The following MAGI1 variants were observed in gnomAD, a reference collection of about 807,000 sequenced individuals.
The protein encoded by MAGI1 is membrane-associated guanylate kinase, WW and PDZ domain-containing protein 1.
In MAGI1, 58 loss-of-function variants were observed where a neutral mutation model predicts 139.9. That is an observed-to-expected ratio of 0.41 (90% CI 0.34 to 0.52). The LOEUF (loss-of-function observed/expected upper bound fraction) is 0.52, where lower values mean the gene tolerates loss of function less well. MAGI1 is among the 20% of genes least tolerant of loss of function. The pLI, the probability that MAGI1 is intolerant of heterozygous loss-of-function variation, is 0.12. For missense variants in MAGI1, 1,874 were observed against 1,901.6 expected, an observed-to-expected ratio of 0.99 and a Z score of 0.27; for synonymous variants, 812 against 737.9, an observed-to-expected ratio of 1.10 and a Z score of -1.63.
intron 2 of MAGI1, among the ~76,000 whole-genome samples, chr3:65,563,373 G>A (rs919033853): frequency 1.3e-5 from 2 of 152,166 alleles, no homozygotes; most frequent in African/African-American, 4.8e-5. Flanking sequence ...GCCCCCAGGT[G>A]TTCAAGCTCC....
chr3:65,420,583 G>A (rs966011770), intron 12 of MAGI1, among the ~76,000 whole-genome samples: 7 of 152,056 alleles, frequency 4.6e-5, no homozygotes, highest in African/African-American at 9.7e-5. Flanking sequence ...GTGCCTAGAC[G>A]ATGACAGGCA....
intron 2 of MAGI1, chr3:65,549,510 G>A (rs2079711215): frequency 2.0e-6 from 2 of 984,354 alleles, no homozygotes; most frequent in African/African-American, 1.7e-5. Flanking sequence ...TGAGCGGCCC[G>A]GCGGCAGCTG....
At chr3:66,018,315 G>T (rs76922995) in intron 1 of MAGI1, among the ~76,000 whole-genome samples, 6,232 of 152,242 alleles carry the variant, frequency 0.041, 161 homozygotes, top group South Asian at 0.065. Flanking sequence ...TGACTGCCTG[G>T]TTAACAGCAT....
intron 1 of MAGI1, among the ~76,000 whole-genome samples, chr3:65,836,654 A>G (rs545187525): frequency 7.8e-4 from 118 of 152,210 alleles, no homozygotes; most frequent in Non-Finnish European, 1.4e-3. Flanking sequence ...CCCCATCTCT[A>G]CTAAAACTAC....
chr3:65,575,866 C>T (rs1476391334), intron 2 of MAGI1, among the ~76,000 whole-genome samples: 1 of 152,098 alleles, frequency 6.6e-6, no homozygotes, highest in African/African-American at 2.4e-5. Context: ...AAACTTAGCA[C>T]CAGATAACAT....
chr3:65,933,244 T>A (rs535044399), intron 1 of MAGI1, among the ~76,000 whole-genome samples: 11 of 152,320 alleles, frequency 7.2e-5, no homozygotes, highest in African/African-American at 2.6e-4. Flanking sequence ...CTCACAGAGT[T>A]TCTACAAGTA....
intron 1 of MAGI1, among the ~76,000 whole-genome samples, chr3:65,706,942 A>G (rs182795453): frequency 6.6e-6 from 1 of 152,208 alleles, no homozygotes; most frequent in African/African-American, 2.4e-5. Context: ...TCCATCTCAC[A>G]AGACATAAAC....
chr3:65,519,574 T>C (rs1280192706), intron 2 of MAGI1, among the ~76,000 whole-genome samples: 4 of 151,916 alleles, frequency 2.6e-5, no homozygotes, highest in African/African-American at 4.8e-5. Context: ...TTAGTAGAGA[T>C]AGGGTTTCAC....
chr3:65,519,397 T>A (rs2078051120), intron 2 of MAGI1, among the ~76,000 whole-genome samples: 1 of 149,810 alleles, frequency 6.7e-6, no homozygotes, highest in African/African-American at 2.5e-5. Flanking sequence ...TATATATAAT[T>A]TTTTTTTGGA....
intron 1 of MAGI1, among the ~76,000 whole-genome samples, chr3:65,751,460 T>C (rs2036147199): frequency 6.6e-6 from 1 of 152,222 alleles, no homozygotes; most frequent in Non-Finnish European, 1.5e-5. Flanking sequence ...ATTATGATGT[T>C]GCATTGACCT....
chr3:65,974,754 T>C (rs73124034), intron 1 of MAGI1, among the ~76,000 whole-genome samples: 1,563 of 152,188 alleles, frequency 0.01, 17 homozygotes, highest in Middle Eastern at 0.041. Context: ...ACAGCATAGC[T>C]TCTCCCAGAG....
chr3:65,519,526 C>T (rs903298938), intron 2 of MAGI1, among the ~76,000 whole-genome samples: 2 of 152,094 alleles, frequency 1.3e-5, no homozygotes, highest in Non-Finnish European at 2.9e-5. Flanking sequence ...GCTGGGATTA[C>T]AGGCACCTGC....
intron 2 of MAGI1, among the ~76,000 whole-genome samples, chr3:65,567,152 A>G: frequency 6.6e-6 from 1 of 152,234 alleles, no homozygotes; most frequent in East Asian, 1.9e-4. Context: ...TCATAATGTT[A>G]AGACCTCTAG....
At chr3:65,531,887 A>G (rs2078729945) in intron 2 of MAGI1, among the ~76,000 whole-genome samples, 1 of 152,190 alleles carries the variant, frequency 6.6e-6, no homozygotes, top group Non-Finnish European at 1.5e-5. Context: ...CAAATGGTCC[A>G]CTTCTCATTG....
intron 1 of MAGI1, among the ~76,000 whole-genome samples, chr3:65,797,804 G>A (rs768609372): frequency 2.6e-5 from 4 of 152,004 alleles, no homozygotes; most frequent in Non-Finnish European, 5.9e-5. Flanking sequence ...TCCAGAGCAC[G>A]GACAGGAAAA....
chr3:65,370,263 G>GTC (rs1559905326), intron 18 of MAGI1, among the ~76,000 whole-genome samples: 1 of 151,600 alleles, frequency 6.6e-6, no homozygotes. Context: ...GCGAGACTCC[G>GTC]TCTCAAAAAA....
chr3:65,408,242 A>C lies in MAGI1; in HGVS notation c.2168-6772T>G, dbSNP rs891335561. Among the ~76,000 whole-genome samples, 62 of 152,192 alleles carry C rather than the reference A, an allele frequency of 4.1e-4. 1 individual carries two copies. Among genetic ancestry groups the C allele is most frequent in the Admixed American group, 4.0e-3 (61 of 15,280 alleles). ...TTATTTTCAGTAAGAGCAGCATATAAGTAGAGGGGCCAATGGGAAGGATCA... is the reference window on the plus strand; with the variant it reads ...TTATTTTCAGTAAGAGCAGCATATACGTAGAGGGGCCAATGGGAAGGATCA... On this transcript the variant is annotated intron_variant, in intron 12 of 22. Coordinates refer to ENST00000402939, the MANE Select transcript of MAGI1 (RefSeq NM_001033057.2).
chr3:65,648,443 G>A (rs2085403999), intron 1 of MAGI1, among the ~76,000 whole-genome samples: 1 of 152,102 alleles, frequency 6.6e-6, no homozygotes, highest in South Asian at 2.1e-4. Flanking sequence ...TGGCCTTAAT[G>A]AATGTATGCC....
chr3:65,579,401 T>C (rs2081317379), intron 2 of MAGI1, among the ~76,000 whole-genome samples: 1 of 152,114 alleles, frequency 6.6e-6, no homozygotes, highest in Non-Finnish European at 1.5e-5. Flanking sequence ...AGTGAAGTGA[T>C]TACCCATGCC....
Sources: allele counts gnomAD v4.1 joint callset (sites outside exome capture counted in the v4.1 genomes callset), GRCh38; gene constraint gnomAD v4.1.1; transcripts MANE v1.5; gene names NCBI Gene and HGNC (gene_info 2026-07-23, HGNC 2026-07-21).